Variants in TAS2R1 observed in about 807,000 individuals in gnomAD.
TAS2R1 encodes taste receptor type 2 member 1.
For missense variants in TAS2R1, 370 were observed against 353.4 expected (o/e 1.05, Z -0.38); for synonymous variants, 141 against 134.2 (o/e 1.05, Z -0.35).
chr5:9,756,602 A>T, the TAS2R1 span, among the ~76,000 whole-genome samples: 5 of 152,036 alleles, frequency 3.3e-5, no homozygotes, highest in Non-Finnish European at 7.4e-5. Flanking sequence ...ATAAAACAAA[A>T]TTTTTTTTAT....
the TAS2R1 span, among the ~76,000 whole-genome samples, chr5:9,830,605 G>GCACACACACACACACACACA: frequency 5.1e-4 from 76 of 149,808 alleles, no homozygotes; most frequent in African/African-American, 1.6e-3. Context: ...ACGTGCGCGC[G>GCACACACACACACACACACA]CACACACACA....
At chr5:9,781,145 A>C in the TAS2R1 span, among the ~76,000 whole-genome samples, 4 of 152,246 alleles carry the variant, frequency 2.6e-5, no homozygotes, top group Non-Finnish European at 5.9e-5. Context: ...TTTTCAGTCC[A>C]AATTGTTTTG....
the TAS2R1 span, among the ~76,000 whole-genome samples, chr5:9,743,811 A>C: frequency 1.3e-5 from 2 of 152,300 alleles, no homozygotes; most frequent in East Asian, 3.9e-4. Context: ...GATGTTACCA[A>C]AGGCAAGTGA....
the TAS2R1 span, among the ~76,000 whole-genome samples, chr5:9,879,725 C>G: frequency 6.6e-6 from 1 of 152,152 alleles, no homozygotes; most frequent in Non-Finnish European, 1.5e-5. Flanking sequence ...TATATGCAAA[C>G]TAGAATATAC....
chr5:9,769,383 G>A, the TAS2R1 span, among the ~76,000 whole-genome samples: 1 of 152,192 alleles, frequency 6.6e-6, no homozygotes, highest in Admixed American at 6.5e-5. Flanking sequence ...AAACATGGAA[G>A]TGCAGATATC....
At chr5:9,740,179 T>C in the TAS2R1 span, among the ~76,000 whole-genome samples, 3 of 152,346 alleles carry the variant, frequency 2.0e-5, no homozygotes, top group South Asian at 6.2e-4. Context: ...TATATGCTAA[T>C]TGAAATTATG....
At chr5:9,835,822 G>A in the TAS2R1 span, among the ~76,000 whole-genome samples, 1 of 152,204 alleles carries the variant, frequency 6.6e-6, no homozygotes, top group African/African-American at 2.4e-5. Flanking sequence ...AACAGGCTTA[G>A]GATGCCTTGA....
At chr5:9,777,928 C>A in the TAS2R1 span, among the ~76,000 whole-genome samples, 2 of 149,586 alleles carry the variant, frequency 1.3e-5, no homozygotes, top group African/African-American at 4.9e-5. Flanking sequence ...GGCCGGACTG[C>A]GGACTGCAGT....
chr5:9,816,836 T>C, the TAS2R1 span, among the ~76,000 whole-genome samples: 6 of 152,148 alleles, frequency 3.9e-5, no homozygotes, highest in African/African-American at 1.4e-4. Context: ...CTCATCATAA[T>C]GATTAAAGTT....
chr5:9,691,501 G>A (rs1274324957), intron 1 of TAS2R1, among the ~76,000 whole-genome samples: 1 of 152,296 alleles, frequency 6.6e-6, no homozygotes, highest in Non-Finnish European at 1.5e-5. Flanking sequence ...GCCAAAGCCA[G>A]TCTTCCTCAC....
chr5:9,719,926 AAAAAAAAAAAAAC>A, the TAS2R1 span, among the ~76,000 whole-genome samples: 1 of 146,954 alleles, frequency 6.8e-6, no homozygotes, highest in Non-Finnish European at 1.5e-5. Flanking sequence ...TTCAAAAAAA[AAAAAAAAAAAAAC>A]AAAAACAAAA....
upstream of TAS2R1, chr5:9,713,922 T>C (rs745463323): frequency 6.6e-6 from 1 of 152,206 alleles, no homozygotes; most frequent in Non-Finnish European, 1.5e-5. Flanking sequence ...TATAAGCATA[T>C]TGTTTATTTA....
chr5:9,654,107 T>C (rs749404269), intron 2 of TAS2R1, among the ~76,000 whole-genome samples: 8 of 152,138 alleles, frequency 5.3e-5, no homozygotes, highest in Non-Finnish European at 1.0e-4. Context: ...CTTCCAAAAA[T>C]AGATTCCAAG....
chr5:9,843,971 C>A, the TAS2R1 span, among the ~76,000 whole-genome samples: 6 of 152,212 alleles, frequency 3.9e-5, no homozygotes, highest in African/African-American at 1.4e-4. Context: ...AGTTCCTTGC[C>A]ATGTGAACTT....
chr5:9,812,966 C>T, the TAS2R1 span, among the ~76,000 whole-genome samples: 1 of 152,162 alleles, frequency 6.6e-6, no homozygotes, highest in Non-Finnish European at 1.5e-5. Context: ...AAGGAAGGGA[C>T]ACTGTTGTGA....
the TAS2R1 span, among the ~76,000 whole-genome samples, chr5:9,823,738 G>A: frequency 1.1e-4 from 16 of 151,954 alleles, no homozygotes; most frequent in East Asian, 2.5e-3. Flanking sequence ...GAGGGAGGAA[G>A]GAAGGAAGGA....
the TAS2R1 span, among the ~76,000 whole-genome samples, chr5:9,744,841 T>C: frequency 6.6e-6 from 1 of 152,236 alleles, no homozygotes; most frequent in Non-Finnish European, 1.5e-5. Flanking sequence ...TTTCTGAACA[T>C]GTATACAATG....
chr5:9,885,456 A>G, the TAS2R1 span, among the ~76,000 whole-genome samples: 2 of 152,236 alleles, frequency 1.3e-5, no homozygotes, highest in Non-Finnish European at 2.9e-5. Context: ...ATGGAATCCA[A>G]TCTCTAGCTA....
the TAS2R1 span, among the ~76,000 whole-genome samples, chr5:9,730,617 T>C: frequency 6.6e-6 from 1 of 151,628 alleles, no homozygotes; most frequent in African/African-American, 2.4e-5. Flanking sequence ...ACTTAGGGGG[T>C]CTCTGCTTCT....
Sources: gnomAD v4.1 joint callset for allele counts (sites outside exome capture counted in the v4.1 genomes callset) on GRCh38, gnomAD v4.1.1 for gene constraint, MANE v1.5 for transcripts, NCBI Gene and HGNC (gene_info 2026-07-23, HGNC 2026-07-21) for gene names.